PPFIA4: variants seen among roughly 807,000 people sequenced by gnomAD.
PPFIA4 encodes PPFI scaffold protein A4, also known as liprin-alpha-4.
Under a neutral mutation model 145.7 loss-of-function variants are expected in PPFIA4, and 98 were observed. The observed-to-expected ratio is 0.67, with a 90% CI of 0.57 to 0.80. PPFIA4 has a LOEUF of 0.80. Ranked by LOEUF, PPFIA4 falls within the 30% of genes least tolerant of loss-of-function variation. The probability of loss-of-function intolerance (pLI) is 0.00; values close to 1 mark genes in which losing one functional copy is unlikely to be tolerated. For missense variants in PPFIA4, 1,457 were observed against 1,632.7 expected, an observed-to-expected ratio of 0.89 and a Z score of 1.85; for synonymous variants, 628 against 649.6, an observed-to-expected ratio of 0.97 and a Z score of 0.51.
intron 26 of PPFIA4, among the ~76,000 whole-genome samples, 191 bp downstream of exon 26, chr1:203,067,983 C>T (rs1244750529): frequency 6.6e-6 from 1 of 152,094 alleles, no homozygotes; most frequent in Non-Finnish European, 1.5e-5. Flanking sequence ...CTATAATTCC[C>T]CTCCCTCAAC....
chr1:203,049,640 C>T, intron 12 of PPFIA4, 36 bp from the exon 13 acceptor site: 2 of 1,444,080 alleles, frequency 1.4e-6, no homozygotes, highest in South Asian at 1.4e-5. Flanking sequence ...CTCCCTGGCC[C>T]CCACTCCCGC....
At position 203,048,887 on chromosome 1, in the gene PPFIA4, A is replaced by G; in HGVS notation, c.1357-31A>G. 6.5e-7 allele frequency: 1 copy of G among 1,546,676 alleles called. No individual in the cohort carries two copies. The highest frequency in any genetic ancestry group is 1.2e-5 in the South Asian group (1 of 83,818). On this transcript the variant is annotated intron_variant, in intron 11 of 29. Coordinates refer to ENST00000295706, the MANE Select transcript of PPFIA4 (RefSeq NM_001304331.2). This position sits in a 1 kb window ranked among gnomAD's most constrained non-coding sequence, Gnocchi z 5.8. ...CAGGTCTGGAATGGGAGAGGAAGGCAGGGGCCTGGCTCACAGCTGCTCTCC... is the reference window on the plus strand; with the variant it reads ...CAGGTCTGGAATGGGAGAGGAAGGCGGGGGCCTGGCTCACAGCTGCTCTCC...
At chr1:203,061,179 G>A (rs546814104) in intron 23 of PPFIA4, 147 bp downstream of exon 23, 41 of 778,756 alleles carry the variant, frequency 5.3e-5, no homozygotes, top group Middle Eastern at 3.2e-4. Flanking sequence ...CTGCTGTCAC[G>A]GTGGAGGGTT....
Position 203,045,977 on chromosome 1 carries a change from T to C in PPFIA4, c.995T>C (p.Leu332Pro), listed in dbSNP as rs1385339945. The change falls in exon 8 of 30, where the codon CTG (leucine) becomes CCG (proline). Residue 332 changes from leucine (L) to proline (P), a missense_variant. Physicochemically the swap from Leu to Pro is moderately conservative, Grantham distance 98. This residue lies in a region of PPFIA4 where 463 missense variants were observed against 459.8 expected (regional missense o/e 1.01). Transcript: ENST00000295706. ...AATGAGCTGGCCAACAAGGAGTCCC[T>C]GCACCGCCAGGTACCTCCTCAGGGT... ...LENELANKESLHRQCEEKARH... is the reference protein window; with the variant it reads ...LENELANKESPHRQCEEKARH... The C allele has an allele frequency of 4.3e-6, 7 of 1,612,508 alleles. No individual in the cohort carries two copies. Among genetic ancestry groups the C allele is most frequent in the Non-Finnish European group, 4.2e-6 (5 of 1,179,834 alleles).
At chr1:203,054,207 C>T in intron 15 of PPFIA4, 2 of 672,140 alleles carry the variant, frequency 3.0e-6, no homozygotes, top group South Asian at 1.6e-5. Context: ...CAGGAGGATG[C>T]ATGCTGTGTT....
rs1027749798 is a variant in PPFIA4, at chr1:203,045,752, C to T, written c.859-89C>T. ...TGTAGCTCATGCCCCTTAATGGGTT[C>T]CAATCAGCCAGGTGTGGGTGGGGAG... On this transcript the variant is annotated intron_variant, in intron 7 of 29. Coordinates refer to ENST00000295706, the MANE Select transcript of PPFIA4 (RefSeq NM_001304331.2). 6.4e-5 allele frequency: 101 copies of T among 1,584,912 alleles called. 1 individual carries two copies. The highest frequency in any genetic ancestry group is 7.9e-5 in the Non-Finnish European group (92 of 1,161,524).
At chr1:203,035,104 C>T (rs1659131773) in intron 1 of PPFIA4, 1 of 349,408 alleles carries the variant, frequency 2.9e-6, no homozygotes, top group Non-Finnish European at 5.7e-6. Flanking sequence ...TCTGGAAGAC[C>T]CCCGCCCTCC....
rs12063282 is a variant in PPFIA4, at chr1:203,076,829, G to A, written c.*439G>A. Reference sequence around the variant, plus strand: ...GCCCTGCTTGGGCTATTCAATCTTAGGGTGTCTATCCACGTCTGGCTGTGC... The same window carrying A: ...GCCCTGCTTGGGCTATTCAATCTTAAGGTGTCTATCCACGTCTGGCTGTGC... On this transcript the variant is annotated 3_prime_UTR_variant, in exon 30 of 30. Transcript: ENST00000295706. 8.4e-4 allele frequency: 159 copies of A among 189,648 alleles called. No individual in the cohort carries two copies. Among genetic ancestry groups the A allele is most frequent in the African/African-American group, 3.6e-3 (153 of 42,822 alleles). 11.7% of individuals were successfully genotyped at this position (189,648 alleles called of 1,614,324 possible).
rs569798522 is a variant in PPFIA4 at position 203,057,085 on chromosome 1, C to T, written c.2407+135C>T. 306 of 1,490,178 alleles carry T rather than the reference C, an allele frequency of 2.1e-4. 3 individuals carry two copies. The African/African-American group carries it at 2.8e-3, about 14-fold the overall frequency. 92.3% of individuals were successfully genotyped at this position (1,490,178 alleles called of 1,614,324 possible). A position where few individuals can be genotyped will look rare whatever the true frequency, so the allele number is the denominator to read the frequency against. ...AAGCCCCAGGCAGGTTACCTCAGAT[C>T]TGCAGAAGCAGTTTTTGGTTAGAGC... On this transcript the variant is annotated intron_variant, in intron 19 of 29. Transcript: ENST00000295706.
chr1:203,037,796 C>T lies in PPFIA4; in HGVS notation c.-399-814C>T, dbSNP rs1220801406. On this transcript the variant is annotated intron_variant, in intron 1 of 29. Transcript: ENST00000295706. ...AGCCATGATAGGGGCCACACTGTAGCCCCACCCTAGGAGAGTGGCACCCTG... is the reference window on the plus strand; with the variant it reads ...AGCCATGATAGGGGCCACACTGTAGTCCCACCCTAGGAGAGTGGCACCCTG... 2.0e-5 allele frequency among the ~76,000 whole-genome samples: 3 copies of T among 152,210 alleles called. No individual in the cohort carries two copies. In the East Asian group the frequency reaches 5.8e-4, roughly 29 times the overall value.
chr1:203,041,124 A>G (rs11577200), intron 2 of PPFIA4, among the ~76,000 whole-genome samples: 15,992 of 152,274 alleles, frequency 0.11, 1,070 homozygotes, highest in Non-Finnish European at 0.15. Context: ...AAGGATGATT[A>G]TGATTTCATC....
In PPFIA4 at chr1:203,075,885, C is replaced by T. The variant is rs1571751414; in HGVS notation, c.3574+128C>T. The T allele has an allele frequency of 1.0e-4, 101 of 964,820 alleles. No individual in the cohort carries two copies. In the East Asian group the frequency reaches 3.2e-3, roughly 31 times the overall value. The allele number at this position is 964,820 out of a possible 1,614,324, so 59.8% of individuals were successfully genotyped here. A position where few individuals can be genotyped will look rare whatever the true frequency, so the allele number is the denominator to read the frequency against. ...GGTGCCCCGCGCTCCTGCGCTGCAG[C>T]TGCACTAACGCTCCGCGGGGAGCGT... is the stretch of plus-strand genomic sequence containing the variant. On this transcript the variant is annotated intron_variant, in intron 29 of 29. Transcript: ENST00000295706. This position sits in a 1 kb window ranked among gnomAD's most constrained non-coding sequence, Gnocchi z 4.1.
chr1:203,064,054 G>T, intron 25 of PPFIA4, 51 bp downstream of exon 25: 1 of 1,574,264 alleles, frequency 6.4e-7, no homozygotes. Flanking sequence ...GCCTCCCCTA[G>T]CTCTGAGGGT....
rs1426231224 is a variant in PPFIA4, at chr1:203,048,050, G to T, written c.1141-177G>T. On this transcript the variant is annotated intron_variant, in intron 9 of 29. Coordinates refer to ENST00000295706, the MANE Select transcript of PPFIA4 (RefSeq NM_001304331.2). This position sits in a 1 kb window ranked among gnomAD's most constrained non-coding sequence, Gnocchi z 5.8. ...GACCTGGCAGGTATTGAAGTACCTG[G>T]GAAGAAAGGCAATGGGGATGGTGGT... Among the ~76,000 whole-genome samples, 2 of 152,212 alleles carry T rather than the reference G, an allele frequency of 1.3e-5. No homozygotes were observed. The highest frequency in any genetic ancestry group is 2.9e-5 in the Non-Finnish European group (2 of 68,022).
Position 203,055,964 on chromosome 1 carries a change from C to A in PPFIA4, c.2071-156C>A, listed in dbSNP as rs1660908817. Among the ~76,000 whole-genome samples, 1 of 149,176 alleles carries A rather than the reference C, an allele frequency of 6.7e-6. No homozygotes were observed. Among genetic ancestry groups the A allele is most frequent in the African/African-American group, 2.4e-5 (1 of 41,268 alleles). On this transcript the variant is annotated intron_variant, in intron 16 of 29. Transcript: ENST00000295706. This position sits in a 1 kb window ranked among gnomAD's most constrained non-coding sequence, Gnocchi z 4.8. ...ATAAGCCCTGGCTTGTTTTTCTAGG[C>A]CAGCTTTTTTTTTTTTTTCTGGCGT...
rs758682886 is a variant in PPFIA4, at chr1:203,043,462, G to T, written c.300G>T (p.Glu100Asp). The T allele has an allele frequency of 1.9e-6, 3 of 1,611,528 alleles. No individual in the cohort carries two copies. Among genetic ancestry groups the T allele is most frequent in the Non-Finnish European group, 2.5e-6 (3 of 1,179,318 alleles). Residue 100 changes from glutamate to aspartate, a missense_variant, in exon 3 of 30, where the codon GAG becomes GAT. Transcript: ENST00000295706. This position sits in a 1 kb window ranked among gnomAD's most constrained non-coding sequence, Gnocchi z 4.4. ...CREQLLEREE[E>D]ISELKAERNN... ...AGCAGCTTCTAGAGCGGGAGGAAGA[G>T]ATATCAGAACTGAAAGCAGAACGGA...
At position 203,067,803 on chromosome 1, in the gene PPFIA4, C is replaced by T. The variant is rs769489175; in HGVS notation, c.3148+11C>T. 2.5e-6 allele frequency: 4 copies of T among 1,613,180 alleles called. No individual in the cohort carries two copies. The highest frequency in any genetic ancestry group is 2.5e-6 in the Non-Finnish European group (3 of 1,179,584). On this transcript the variant is annotated intron_variant, in intron 26 of 29. Coordinates refer to ENST00000295706, the MANE Select transcript of PPFIA4 (RefSeq NM_001304331.2). Reference sequence around the variant, plus strand: ...AGCATGAGATCAAGGGTAAGCTCGTCAGGCTTGGAGAGGGTTCGGGAGCAG... The same window carrying T: ...AGCATGAGATCAAGGGTAAGCTCGTTAGGCTTGGAGAGGGTTCGGGAGCAG...
At chr1:203,053,687 G>A in intron 14 of PPFIA4, 66 bp from the exon 15 acceptor site, 1 of 1,376,364 alleles carries the variant, frequency 7.3e-7, no homozygotes, top group Non-Finnish European at 1.0e-6. Flanking sequence ...TAGAGGTAGG[G>A]AGGGTCCTGC....
At chr1:203,028,189 G>A (rs1658555350) in intron 1 of PPFIA4, among the ~76,000 whole-genome samples, 1 of 152,084 alleles carries the variant, frequency 6.6e-6, no homozygotes, top group South Asian at 2.1e-4. Flanking sequence ...AAGGGAATTC[G>A]CATCCAGTGG....
Sources: allele counts gnomAD v4.1 joint callset (sites outside exome capture counted in the v4.1 genomes callset), GRCh38; gene constraint gnomAD v4.1.1; regional missense constraint gnomAD v4.1.1; non-coding constraint Gnocchi (gnomAD v3.1); transcripts MANE v1.5; gene names NCBI Gene and HGNC (gene_info 2026-07-23, HGNC 2026-07-21).